The following PCDHA7 variants were observed in gnomAD, a reference collection of about 807,000 sequenced individuals.
PCDHA7 encodes the protein protocadherin alpha 7.
Under a neutral mutation model 57.2 loss-of-function variants are expected in PCDHA7, and 37 were observed. That is an observed-to-expected ratio of 0.65 (90% CI 0.50 to 0.85). The LOEUF is 0.85. Ranked by LOEUF, PCDHA7 falls within the 40% of genes least tolerant of loss-of-function variation. PCDHA7 has a pLI of 0.00. For synonymous variants in PCDHA7, 553 were observed against 558.8 expected, an observed-to-expected ratio of 0.99 and a Z score of 0.15; for missense variants, 1,188 against 1,241.8, an observed-to-expected ratio of 0.96 and a Z score of 0.65.
intron 1 of PCDHA7, among the ~76,000 whole-genome samples, chr5:140,874,476 A>G (rs1024531291): frequency 1.1e-4 from 17 of 152,236 alleles, no homozygotes; most frequent in Non-Finnish European, 8.8e-5. Context: ...TTAGAGAAAA[A>G]GCAAAAGGTT....
chr5:140,884,555 G>C, intron 1 of PCDHA7: 1 of 1,614,098 alleles, frequency 6.2e-7, no homozygotes, highest in Non-Finnish European at 8.5e-7. Context: ...CTCTGGGGAG[G>C]GCCCGCATAA....
At chr5:140,862,348 C>T (rs1404239338) in intron 1 of PCDHA7, 1 of 336,670 alleles carries the variant, frequency 3.0e-6, no homozygotes, top group Non-Finnish European at 5.9e-6. Context: ...ACTTCAGTGC[C>T]AAGGGACAGA....
chr5:140,863,443 C>A (rs1389927128), intron 1 of PCDHA7: 2 of 591,510 alleles, frequency 3.4e-6, no homozygotes, highest in Non-Finnish European at 3.2e-6. Flanking sequence ...TGGTCTTACT[C>A]GCAGCAAAGG....
intron 1 of PCDHA7, chr5:140,967,449 C>T (rs2096141880): frequency 1.2e-6 from 2 of 1,613,586 alleles, no homozygotes; most frequent in Non-Finnish European, 1.7e-6. Context: ...CTGGTTCTCA[C>T]AGCCGTGGAT....
intron 1 of PCDHA7, chr5:140,842,811 G>A: frequency 6.3e-7 from 1 of 1,594,024 alleles, no homozygotes; most frequent in Non-Finnish European, 8.6e-7. Context: ...CTTGTGGAGC[G>A]GCGGGTGGGC....
At chr5:140,967,113 G>T in intron 1 of PCDHA7, 1 of 1,612,880 alleles carries the variant, frequency 6.2e-7, no homozygotes, top group Non-Finnish European at 8.5e-7. Flanking sequence ...CAGCGGCCTC[G>T]CTGCCTGCTC....
chr5:140,981,468 G>A (rs1554242887), intron 2 of PCDHA7, among the ~76,000 whole-genome samples: 1 of 152,172 alleles, frequency 6.6e-6, no homozygotes, highest in Non-Finnish European at 1.5e-5. Context: ...CAGCTACTTG[G>A]GAGGCTGAGG....
intron 3 of PCDHA7, among the ~76,000 whole-genome samples, chr5:140,995,873 C>T (rs1554254864): frequency 6.6e-6 from 1 of 152,126 alleles, no homozygotes; most frequent in Non-Finnish European, 1.5e-5. Flanking sequence ...AATTGTGCAA[C>T]CTGTGCTTCA....
At chr5:140,872,638 G>A (rs1429990038) in intron 1 of PCDHA7, among the ~76,000 whole-genome samples, 2 of 152,092 alleles carry the variant, frequency 1.3e-5, no homozygotes, top group Admixed American at 1.3e-4. Flanking sequence ...TTTGTTCCAT[G>A]AAAAGGCAAG....
chr5:140,996,372 G>A (rs898606404), intron 3 of PCDHA7, among the ~76,000 whole-genome samples: 1 of 152,180 alleles, frequency 6.6e-6, no homozygotes, highest in Non-Finnish European at 1.5e-5. Context: ...TTTTGTTGTC[G>A]GCTGAAATAA....
At chr5:140,947,648 T>C (rs1476825159) in intron 1 of PCDHA7, among the ~76,000 whole-genome samples, 1 of 151,646 alleles carries the variant, frequency 6.6e-6, no homozygotes, top group Non-Finnish European at 1.5e-5. Context: ...TGAACATATA[T>C]ACCTCCATTT....
At chr5:140,883,662 A>G (rs371713279) in intron 1 of PCDHA7, 3 of 1,613,586 alleles carry the variant, frequency 1.9e-6, no homozygotes, top group Non-Finnish European at 2.5e-6. Context: ...GTGTTCGTGA[A>G]GGAAAACAAT....
chr5:140,850,893 G>A, intron 1 of PCDHA7: 1 of 1,574,570 alleles, frequency 6.4e-7, no homozygotes, highest in Non-Finnish European at 8.7e-7. Flanking sequence ...TGGGAAGGTG[G>A]GTTTTTCTAG....
At chr5:140,903,183 T>A (rs1392196705) in intron 1 of PCDHA7, among the ~76,000 whole-genome samples, 3 of 152,194 alleles carry the variant, frequency 2.0e-5, no homozygotes, top group Admixed American at 2.0e-4. Flanking sequence ...CCACCAATAG[T>A]ATAAAAGAGT....
intron 3 of PCDHA7, among the ~76,000 whole-genome samples, chr5:141,007,654 C>T (rs1461130528): frequency 6.6e-6 from 1 of 152,052 alleles, no homozygotes; most frequent in Non-Finnish European, 1.5e-5. Context: ...CCTAAAAAAC[C>T]ATAAATTTAC....
intron 1 of PCDHA7, chr5:140,926,742 C>A: frequency 8.3e-7 from 1 of 1,199,336 alleles, no homozygotes; most frequent in Non-Finnish European, 1.1e-6. Flanking sequence ...GGAGGCGCAA[C>A]GTCGGCGGTC....
At chr5:140,977,055 A>G (rs1220462981) in intron 1 of PCDHA7, among the ~76,000 whole-genome samples, 1 of 152,234 alleles carries the variant, frequency 6.6e-6, no homozygotes, top group Non-Finnish European at 1.5e-5. Context: ...CTGATGGACT[A>G]GTATAGAAAA....
At chr5:141,006,993 T>A (rs1484865636) in intron 3 of PCDHA7, among the ~76,000 whole-genome samples, 5 of 152,290 alleles carry the variant, frequency 3.3e-5, no homozygotes, top group African/African-American at 4.8e-5. Flanking sequence ...GCTTAAAATA[T>A]AAGTCTGCAT....
rs185115696 is a variant in PCDHA7, at chr5:140,899,982, A to G, written c.2355+63244A>G. Among the ~76,000 whole-genome samples the G allele has an allele frequency of 7.7e-3, 1,166 of 150,716 alleles. 5 individuals carry two copies. The highest frequency in any genetic ancestry group is 0.018 in the African/African-American group (738 of 41,016). On this transcript the variant is annotated intron_variant, in intron 1 of 3. Coordinates refer to ENST00000525929, the MANE Select transcript of PCDHA7 (RefSeq NM_018910.3). Reference sequence around the variant, plus strand: ...GCTGCCATGCCCAGCTACTTTTTTGATTTTTTTTGTAGAGATGAGGTCTCA... The same window carrying G: ...GCTGCCATGCCCAGCTACTTTTTTGGTTTTTTTTGTAGAGATGAGGTCTCA...
Sources: allele counts gnomAD v4.1 joint callset (sites outside exome capture counted in the v4.1 genomes callset), GRCh38; gene constraint gnomAD v4.1.1; transcripts MANE v1.5; gene names NCBI Gene and HGNC (gene_info 2026-07-23, HGNC 2026-07-21).